FEM1C: variants seen among roughly 807,000 people sequenced by gnomAD.
FEM1C encodes the protein protein fem-1 homolog C.
In FEM1C, 15 loss-of-function variants were observed where a neutral mutation model predicts 37.6. The observed-to-expected ratio is 0.40, with a 90% CI of 0.27 to 0.61. FEM1C has a LOEUF of 0.61. Among genes scored for constraint, FEM1C ranks in the 20% least tolerant of loss-of-function variants. FEM1C has a pLI of 0.42. For missense variants in FEM1C, 532 were observed against 749.7 expected, an observed-to-expected ratio of 0.71 and a Z score of 3.39; for synonymous variants, 287 against 272.8, an observed-to-expected ratio of 1.05 and a Z score of -0.51.
intron 2 of FEM1C, among the ~76,000 whole-genome samples, chr5:115,540,545 C>T (rs1561560822): frequency 6.6e-6 from 1 of 151,820 alleles, no homozygotes; most frequent in South Asian, 2.1e-4. Context: ...AACAGACATA[C>T]CCTCACATAT....
At chr5:115,532,394 AAAGT>A (rs1217415389) in intron 2 of FEM1C, among the ~76,000 whole-genome samples, 1 of 152,124 alleles carries the variant, frequency 6.6e-6, no homozygotes, top group Non-Finnish European at 1.5e-5. Context: ...ATAAGTTCAA[AAAGT>A]AATATCCTAG....
intron 2 of FEM1C, among the ~76,000 whole-genome samples, chr5:115,531,046 T>G (rs1438457232): frequency 6.6e-6 from 1 of 152,106 alleles, no homozygotes. Flanking sequence ...AATCTTATAT[T>G]AATAACTTTG....
intron 2 of FEM1C, among the ~76,000 whole-genome samples, chr5:115,537,224 T>C (rs1754147588): frequency 6.6e-6 from 1 of 152,072 alleles, no homozygotes; most frequent in African/African-American, 2.4e-5. Context: ...ATCTATGTAA[T>C]GCCCTGGGTT....
chr5:115,530,525 T>C (rs1323378176), intron 2 of FEM1C, among the ~76,000 whole-genome samples: 1 of 152,108 alleles, frequency 6.6e-6, no homozygotes, highest in Non-Finnish European at 1.5e-5. Flanking sequence ...TTGATTTAAC[T>C]GGCATAAATA....
intron 1 of FEM1C, chr5:115,543,931 C>T (rs1754298221): frequency 1.0e-6 from 1 of 985,398 alleles, no homozygotes; most frequent in Non-Finnish European, 1.2e-6. Flanking sequence ...CTACAGGCAG[C>T]CCGTTTTCTC....
Position 115,524,856 on chromosome 5 carries a change from A to T in FEM1C, c.1306T>A (p.Leu436Ile). Residue 436 changes from leucine (L) to isoleucine (I), a missense_variant, in exon 3 of 3, where the codon TTA (leucine) becomes ATA (isoleucine). Transcript: ENST00000274457. ...ATAGAAAGGGCCTTATTTAACTGTA[A>T]TGGGTCAGCTGGACACTGAGTTTGT... Reference protein sequence around the residue: ...IKQTQCPADPLQLNKALSIIL... With the variant: ...IKQTQCPADPIQLNKALSIIL... 3 of 1,613,336 alleles carry T rather than the reference A, an allele frequency of 1.9e-6. No individual in the cohort carries two copies. The East Asian group carries it at 6.7e-5, about 36-fold the overall frequency.
chr5:115,542,881 T>G, intron 2 of FEM1C, 69 bp downstream of exon 2: 1 of 1,544,952 alleles, frequency 6.5e-7, no homozygotes, highest in South Asian at 1.3e-5. Flanking sequence ...CACCAGTGCT[T>G]ATAATGATGT....
In FEM1C at chr5:115,542,972, A is replaced by G; in HGVS notation, c.522T>C (p.Asp174=). The G allele has an allele frequency of 3.7e-6, 6 of 1,613,524 alleles. No homozygotes were observed. Among genetic ancestry groups the G allele is most frequent in the Non-Finnish European group, 5.1e-6 (6 of 1,179,534 alleles). Residue 174 remains aspartate (D), a synonymous_variant, in exon 2 of 3, where the codon GAT becomes GAC. Coordinates refer to ENST00000274457, the MANE Select transcript of FEM1C (RefSeq NM_020177.3). ...IAQYLLEKGA[D]VNRKSVKGNT... ...CACCTTTGACACTTTTTCTATTAACATCTGCCCCCTTTTCAAGTAAATACT... is the reference window on the plus strand; with the variant it reads ...CACCTTTGACACTTTTTCTATTAACGTCTGCCCCCTTTTCAAGTAAATACT...
At chr5:115,535,316 A>C (rs1377186288) in intron 2 of FEM1C, among the ~76,000 whole-genome samples, 1 of 150,940 alleles carries the variant, frequency 6.6e-6, no homozygotes, top group African/African-American at 2.4e-5. Flanking sequence ...AGAATGAGAG[A>C]AAATATTTGC....
At chr5:115,536,999 C>T (rs1226671288) in intron 2 of FEM1C, among the ~76,000 whole-genome samples, 2 of 151,962 alleles carry the variant, frequency 1.3e-5, no homozygotes, top group African/African-American at 2.4e-5. Context: ...GTGTAAAAAA[C>T]TCATCTAATG....
At chr5:115,537,483 C>A (rs1166520404) in intron 2 of FEM1C, among the ~76,000 whole-genome samples, 1 of 151,874 alleles carries the variant, frequency 6.6e-6, no homozygotes, top group East Asian at 1.9e-4. Flanking sequence ...GACAAAGGAC[C>A]ACATGGATAT....
chr5:115,529,992 T>A (rs1263521678), intron 2 of FEM1C, among the ~76,000 whole-genome samples: 1 of 151,946 alleles, frequency 6.6e-6, no homozygotes, highest in East Asian at 1.9e-4. Flanking sequence ...TCCAAAAATA[T>A]CAGTAATTAC....
chr5:115,525,001 T>C lies in FEM1C; in HGVS notation c.1161A>G (p.Ala387=), dbSNP rs768793278. The C allele has an allele frequency of 6.8e-6, 11 of 1,613,746 alleles. No individual in the cohort carries two copies. The East Asian group carries it at 1.8e-4, about 26-fold the overall frequency. The part of the protein sequence containing the change: ...PMTASSLLSF[A]ELFSFMLQDR... Reference sequence around the variant, plus strand: ...CCTGTAGCATAAAGGAGAATAGTTCTGCAAAAGATAATAAGCTGCTGGCGG... The same window carrying C: ...CCTGTAGCATAAAGGAGAATAGTTCCGCAAAAGATAATAAGCTGCTGGCGG... The change falls in exon 3 of 3, where the codon GCA becomes GCG. Residue 387 remains alanine (A), a synonymous_variant. Coordinates refer to ENST00000274457, the MANE Select transcript of FEM1C (RefSeq NM_020177.3).
chr5:115,544,041 T>C, intron 1 of FEM1C: 1 of 985,336 alleles, frequency 1.0e-6, no homozygotes, highest in Non-Finnish European at 1.2e-6. Context: ...TTCAGAAATG[T>C]TTCTCTTTCT....
At position 115,525,685 on chromosome 5, in the gene FEM1C, T is replaced by C. The variant is rs191681924; in HGVS notation, c.545-68A>G. 5.0e-5 allele frequency: 61 copies of C among 1,230,496 alleles called. No individual in the cohort carries two copies. The African/African-American group carries it at 7.8e-4, about 16-fold the overall frequency. The allele number at this position is 1,230,496 out of a possible 1,614,324, so 76.2% of individuals were successfully genotyped here. A position where few individuals can be genotyped will look rare whatever the true frequency, so the allele number is the denominator to read the frequency against. ...ACCAAAATATAATGTAATATATATA[T>C]GCACTTTAGAACCTAAAGAAAAGCA... On this transcript the variant is annotated intron_variant, in intron 2 of 2. Coordinates refer to ENST00000274457, the MANE Select transcript of FEM1C (RefSeq NM_020177.3).
At chr5:115,534,533 C>T (rs1754081610) in intron 2 of FEM1C, among the ~76,000 whole-genome samples, 1 of 151,932 alleles carries the variant, frequency 6.6e-6, no homozygotes, top group Non-Finnish European at 1.5e-5. Flanking sequence ...TTCAACATAA[C>T]ATATAAATAT....
At chr5:115,534,594 A>G (rs1048581149) in intron 2 of FEM1C, among the ~76,000 whole-genome samples, 6 of 151,954 alleles carry the variant, frequency 3.9e-5, no homozygotes, top group African/African-American at 1.4e-4. Context: ...TCAGTTTCTA[A>G]ACCACCCTCA....
chr5:115,543,782 T>C (rs1754293731), intron 1 of FEM1C, 99 bp from the exon 2 acceptor site: 3 of 1,180,836 alleles, frequency 2.5e-6, no homozygotes, highest in African/African-American at 1.6e-5. Flanking sequence ...GAATAAAAGC[T>C]ATACTTCAGG....
chr5:115,540,887 A>T (rs1388288402), intron 2 of FEM1C, among the ~76,000 whole-genome samples: 2 of 152,092 alleles, frequency 1.3e-5, no homozygotes, highest in African/African-American at 2.4e-5. Flanking sequence ...CAACAAACCT[A>T]AACAAGCAGC....
Sources: gnomAD v4.1 joint callset for allele counts (sites outside exome capture counted in the v4.1 genomes callset) on GRCh38, gnomAD v4.1.1 for gene constraint, MANE v1.5 for transcripts, NCBI Gene and HGNC (gene_info 2026-07-23, HGNC 2026-07-21) for gene names.